The following PPP4R3B variants were observed in gnomAD, a reference collection of about 807,000 sequenced individuals.
The protein encoded by PPP4R3B is protein phosphatase 4 regulatory subunit 3B, also known as serine/threonine-protein phosphatase 4 regulatory subunit 3B.
Under a neutral mutation model 95.4 loss-of-function variants are expected in PPP4R3B, and 52 were observed. That is an observed-to-expected ratio of 0.54 (90% CI 0.44 to 0.69). The LOEUF (loss-of-function observed/expected upper bound fraction) is 0.69. Among genes scored for constraint, PPP4R3B ranks in the 30% least tolerant of loss-of-function variants. The probability of loss-of-function intolerance (pLI) is 0.00; values close to 1 mark genes in which losing one functional copy is unlikely to be tolerated. For synonymous variants in PPP4R3B, 407 were observed against 343.9 expected (o/e 1.18, Z -2.03); for missense variants, 1,003 against 1,005.9 (o/e 1.00, Z 0.04).
intron 6 of PPP4R3B, among the ~76,000 whole-genome samples, chr2:55,586,136 A>G (rs1334041694): frequency 6.6e-6 from 1 of 152,212 alleles, no homozygotes; most frequent in Non-Finnish European, 1.5e-5. Flanking sequence ...AAATGTGGTG[A>G]AAAAAGTTCT....
intron 4 of PPP4R3B, among the ~76,000 whole-genome samples, chr2:55,589,974 T>C (rs1690758364): frequency 6.9e-6 from 1 of 144,336 alleles, no homozygotes; most frequent in African/African-American, 2.5e-5. Context: ...TATATTTATA[T>C]ATATATTTAA....
chr2:55,577,562 G>A (rs1004364846), intron 10 of PPP4R3B, among the ~76,000 whole-genome samples: 2 of 151,962 alleles, frequency 1.3e-5, no homozygotes, highest in African/African-American at 2.4e-5. Context: ...ATTATTAAAA[G>A]ACAACATAGC....
chr2:55,612,452 T>C (rs1694298049), intron 2 of PPP4R3B, among the ~76,000 whole-genome samples: 1 of 152,138 alleles, frequency 6.6e-6, no homozygotes, highest in Non-Finnish European at 1.5e-5. Flanking sequence ...CAGCCACTGC[T>C]CACACCTGTA....
chr2:55,602,236 C>A (rs1273345897), intron 3 of PPP4R3B, among the ~76,000 whole-genome samples: 2 of 152,174 alleles, frequency 1.3e-5, no homozygotes, highest in African/African-American at 4.8e-5. Flanking sequence ...TATATTCATA[C>A]TGATATTATT....
Position 55,617,458 on chromosome 2 carries a change from C to T in PPP4R3B, c.-173G>A, listed in dbSNP as rs1695128792. 1 of 661,998 alleles carries T rather than the reference C, an allele frequency of 1.5e-6. No individual in the cohort carries two copies. Among genetic ancestry groups the T allele is most frequent in the Non-Finnish European group, 2.3e-6 (1 of 436,788 alleles). The allele number at this position is 661,998 out of a possible 1,614,324, so 41.0% of individuals were successfully genotyped here. A position where few individuals can be genotyped will look rare whatever the true frequency, so the allele number is the denominator to read the frequency against. On this transcript the variant is annotated 5_prime_UTR_variant, in exon 1 of 17. Coordinates refer to ENST00000616407, the MANE Select transcript of PPP4R3B (RefSeq NM_001122964.3). ...CAGCCGCGAGAAGGGGTGACAAGAG[C>T]CACTGAGGCCTCTCCGCCCGGAGGC... is the stretch of plus-strand genomic sequence containing the variant.
intron 8 of PPP4R3B, 147 bp from the exon 9 acceptor site, chr2:55,579,928 T>C (rs377165434): frequency 5.8e-5 from 24 of 410,822 alleles, no homozygotes; most frequent in African/African-American, 4.1e-4. Context: ...TTTAAAATAC[T>C]GTGAAAAAAA....
chr2:55,553,318 T>C (rs999906693), intron 16 of PPP4R3B, among the ~76,000 whole-genome samples: 9 of 152,144 alleles, frequency 5.9e-5, no homozygotes, highest in Non-Finnish European at 1.2e-4. Flanking sequence ...ACTTACAAGG[T>C]GTAAGAGACT....
Position 55,598,892 on chromosome 2 carries a change from C to T in PPP4R3B, c.445G>A (p.Val149Ile), listed in dbSNP as rs140152810. ...ATAGGTGAGGAGAGCACTGAGGTAA[C>T]TAAGTCAGCAATCTCTTCAAGTTTA... The part of the protein sequence containing the change: ...LNKLEEIADL[V>I]TSVLSSPIRR... Residue 149 changes from valine (V) to isoleucine (I), a missense_variant, in exon 4 of 17, where the codon GTT (valine) becomes ATT (isoleucine). This residue lies in a region of PPP4R3B where 695 missense variants were observed against 686.2 expected (regional missense o/e 1.01). Transcript: ENST00000616407. 22 of 1,614,148 alleles carry T rather than the reference C, an allele frequency of 1.4e-5. No homozygotes were observed. The highest frequency in any genetic ancestry group is 2.2e-5 in the East Asian group (1 of 44,880).
rs186431487 is a variant in PPP4R3B at position 55,575,330 on chromosome 2, T to C, written c.1607-1553A>G. Reference sequence around the variant, plus strand: ...ATTTTTTCTTTCCCTGAGGCTTTGGTTGATACATTCATGAAATGATTTTGA... The same window carrying C: ...ATTTTTTCTTTCCCTGAGGCTTTGGCTGATACATTCATGAAATGATTTTGA... On this transcript the variant is annotated intron_variant, in intron 11 of 16. Transcript: ENST00000616407. Among the ~76,000 whole-genome samples the C allele has an allele frequency of 1.4e-3, 209 of 152,322 alleles. 1 individual carries two copies. The highest frequency in any genetic ancestry group is 4.5e-3 in the African/African-American group (188 of 41,568).
intron 9 of PPP4R3B, 46 bp from the exon 10 acceptor site, chr2:55,578,388 G>A: frequency 7.9e-7 from 1 of 1,267,896 alleles, no homozygotes; most frequent in Non-Finnish European, 1.0e-6. Flanking sequence ...CCAACAGGGA[G>A]TATATGAGTG....
intron 2 of PPP4R3B, among the ~76,000 whole-genome samples, chr2:55,612,779 C>G (rs535631799): frequency 1.3e-5 from 2 of 152,068 alleles, no homozygotes; most frequent in East Asian, 3.9e-4. Context: ...CCCATCTCTA[C>G]TAAAAAATAC....
intron 5 of PPP4R3B, 150 bp downstream of exon 5, chr2:55,588,729 T>C: frequency 1.9e-6 from 1 of 532,910 alleles, no homozygotes; most frequent in Non-Finnish European, 3.3e-6. Context: ...AAACTCTGAA[T>C]AATCATTTCA....
At chr2:55,562,225 C>T (rs1686723882) in intron 15 of PPP4R3B, among the ~76,000 whole-genome samples, 1 of 152,060 alleles carries the variant, frequency 6.6e-6, no homozygotes. Context: ...AGTTCAAGAC[C>T]AGCCTGGCCA....
intron 8 of PPP4R3B, among the ~76,000 whole-genome samples, chr2:55,581,295 G>T (rs1689412248): frequency 6.6e-6 from 1 of 152,116 alleles, no homozygotes; most frequent in African/African-American, 2.4e-5. Flanking sequence ...GTACAGTTTA[G>T]TAGTGTTAAG....
intron 11 of PPP4R3B, among the ~76,000 whole-genome samples, chr2:55,576,562 G>A (rs1014184622): frequency 6.6e-6 from 1 of 152,004 alleles, no homozygotes; most frequent in African/African-American, 2.4e-5. Context: ...CTAACACGGT[G>A]AAACTCCGCC....
intron 9 of PPP4R3B, 122 bp from the exon 10 acceptor site, chr2:55,578,464 A>T (rs1291141839): frequency 3.0e-6 from 3 of 1,005,874 alleles, no homozygotes; most frequent in Non-Finnish European, 3.9e-6. Context: ...AACATAAAAA[A>T]TGCATTATTT....
At chr2:55,574,914 A>G (rs1688453728) in intron 11 of PPP4R3B, among the ~76,000 whole-genome samples, 2 of 149,346 alleles carry the variant, frequency 1.3e-5, no homozygotes, top group East Asian at 2.0e-4. Context: ...ACATGATTTA[A>G]TATAATTTCA....
intron 5 of PPP4R3B, among the ~76,000 whole-genome samples, chr2:55,588,295 C>A (rs1016065196): frequency 6.6e-6 from 1 of 152,086 alleles, no homozygotes; most frequent in Non-Finnish European, 1.5e-5. Flanking sequence ...GGGGGGATCA[C>A]CTCAGGTTGG....
intron 16 of PPP4R3B, among the ~76,000 whole-genome samples, chr2:55,557,827 T>G (rs138379645): frequency 6.6e-6 from 1 of 152,160 alleles, no homozygotes; most frequent in South Asian, 2.1e-4. Flanking sequence ...AAGGATGATT[T>G]CATATAACAT....
Sources: allele counts gnomAD v4.1 joint callset (sites outside exome capture counted in the v4.1 genomes callset), GRCh38; gene constraint gnomAD v4.1.1; regional missense constraint gnomAD v4.1.1; transcripts MANE v1.5; gene names NCBI Gene and HGNC (gene_info 2026-07-23, HGNC 2026-07-21).